ZDHHC14: variants seen among roughly 807,000 people sequenced by gnomAD.
ZDHHC14 encodes the protein zDHHC palmitoyltransferase 14.
Under a neutral mutation model 47.7 loss-of-function variants are expected in ZDHHC14, and 16 were observed. The observed-to-expected ratio is 0.34, with a 90% CI of 0.23 to 0.51. The LOEUF (loss-of-function observed/expected upper bound fraction) is 0.51, where lower values mean the gene tolerates loss of function less well. Among genes scored for constraint, ZDHHC14 ranks in the 20% least tolerant of loss-of-function variants. The probability of loss-of-function intolerance (pLI) is 0.97; values close to 1 mark genes in which losing one functional copy is unlikely to be tolerated. For synonymous variants in ZDHHC14, 293 were observed against 278.9 expected, an observed-to-expected ratio of 1.05 and a Z score of -0.50; for missense variants, 515 against 662.5, an observed-to-expected ratio of 0.78 and a Z score of 2.44.
At chr6:157,500,385 G>A (rs751685667) in intron 1 of ZDHHC14, among the ~76,000 whole-genome samples, 22 of 152,244 alleles carry the variant, frequency 1.4e-4, no homozygotes, top group Middle Eastern at 3.4e-3. Context: ...GGGACATTAG[G>A]TTTTGTTCTT....
At chr6:157,604,182 G>A (rs1357849348) in intron 3 of ZDHHC14, among the ~76,000 whole-genome samples, 2 of 151,908 alleles carry the variant, frequency 1.3e-5, no homozygotes, top group Non-Finnish European at 2.9e-5. Context: ...AACTACCCAG[G>A]AGGCTGAGGC....
chr6:157,434,784 A>G (rs1475424713), intron 1 of ZDHHC14, among the ~76,000 whole-genome samples: 1 of 152,142 alleles, frequency 6.6e-6, no homozygotes, highest in Non-Finnish European at 1.5e-5. Context: ...CCCTCCTGTC[A>G]GTTAGACTGT....
intron 8 of ZDHHC14, among the ~76,000 whole-genome samples, chr6:157,672,209 G>A (rs1419490531): frequency 6.6e-6 from 1 of 152,156 alleles, no homozygotes; most frequent in Non-Finnish European, 1.5e-5. Context: ...AACACTGTGT[G>A]TCTACACCGC....
At chr6:157,606,979 A>G (rs1230491070) in intron 3 of ZDHHC14, among the ~76,000 whole-genome samples, 1 of 152,238 alleles carries the variant, frequency 6.6e-6, no homozygotes, top group Non-Finnish European at 1.5e-5. Context: ...GCTCAGCATA[A>G]CATTTACACT....
chr6:157,676,694 G>A lies in ZDHHC14; in HGVS notation c.*3572G>A, dbSNP rs568232134. 1.3e-5 allele frequency: 2 copies of A among 152,376 alleles called. No individual in the cohort carries two copies. Among genetic ancestry groups the A allele is most frequent in the South Asian group, 4.1e-4 (2 of 4,826 alleles). 9.4% of individuals were successfully genotyped at this position (152,376 alleles called of 1,614,324 possible). On this transcript the variant is annotated 3_prime_UTR_variant, in exon 9 of 9. Coordinates refer to ENST00000359775, the MANE Select transcript of ZDHHC14 (RefSeq NM_024630.3). Reference sequence around the variant, plus strand: ...CCAGAAAATGCTGGAACCAGAACTGGTCAGAGACTTTGAAGGGCACAGCCT... The same window carrying A: ...CCAGAAAATGCTGGAACCAGAACTGATCAGAGACTTTGAAGGGCACAGCCT...
chr6:157,407,956 G>T (rs901785795), intron 1 of ZDHHC14, among the ~76,000 whole-genome samples: 3 of 152,208 alleles, frequency 2.0e-5, no homozygotes, highest in African/African-American at 7.2e-5. Context: ...TTTAAGTGCT[G>T]CCGTGTTGCT....
chr6:157,653,727 C>T (rs977271403), intron 8 of ZDHHC14, 100 bp downstream of exon 8: 24 of 1,224,168 alleles, frequency 2.0e-5, no homozygotes, highest in Non-Finnish European at 2.2e-5. Context: ...TCCCCAGGAG[C>T]GGGGGCAGCC....
In ZDHHC14 at chr6:157,645,955, G is replaced by A. The variant is rs1583067025; in HGVS notation, c.855+116G>A. ...CCCATACATCCCGTTCCAGATGTGA[G>A]CCCTTGGGAACAGAGACGGTGCCGT... On this transcript the variant is annotated intron_variant, in intron 6 of 8. Transcript: ENST00000359775. 5 of 845,914 alleles carry A rather than the reference G, an allele frequency of 5.9e-6. No individual in the cohort carries two copies. In the East Asian group the frequency reaches 1.1e-4, roughly 19 times the overall value. The allele number at this position is 845,914 out of a possible 1,614,324, so 52.4% of individuals were successfully genotyped here.
At chr6:157,623,336 C>A (rs531300444) in intron 3 of ZDHHC14, among the ~76,000 whole-genome samples, 10 of 152,080 alleles carry the variant, frequency 6.6e-5, no homozygotes, top group Non-Finnish European at 1.0e-4. Flanking sequence ...TTATAAGGGA[C>A]TTCCCCCTTC....
intron 1 of ZDHHC14, among the ~76,000 whole-genome samples, chr6:157,472,562 C>T (rs1297904964): frequency 6.6e-6 from 1 of 152,052 alleles, no homozygotes; most frequent in Non-Finnish European, 1.5e-5. Context: ...TCCTGTTCAG[C>T]CAGAATCCAC....
At chr6:157,387,955 A>G (rs1777351240) in intron 1 of ZDHHC14, among the ~76,000 whole-genome samples, 1 of 152,242 alleles carries the variant, frequency 6.6e-6, no homozygotes, top group South Asian at 2.1e-4. Flanking sequence ...CATTTGCCTC[A>G]GAAACTTTGA....
At chr6:157,593,640 T>G (rs1784005384) in intron 3 of ZDHHC14, among the ~76,000 whole-genome samples, 1 of 152,104 alleles carries the variant, frequency 6.6e-6, no homozygotes, top group Non-Finnish European at 1.5e-5. Context: ...GACGAAGGCC[T>G]CCCCTCTCTG....
At chr6:157,592,955 A>AG in intron 2 of ZDHHC14, 33 bp from the exon 3 acceptor site, 1 of 1,588,016 alleles carries the variant, frequency 6.3e-7, no homozygotes, top group Non-Finnish European at 8.6e-7. Flanking sequence ...GAGGCTCTGA[A>AG]GGTGTGCGCT....
At chr6:157,557,325 C>G (rs766183053) in intron 2 of ZDHHC14, among the ~76,000 whole-genome samples, 1 of 152,166 alleles carries the variant, frequency 6.6e-6, no homozygotes, top group Non-Finnish European at 1.5e-5. Context: ...GGACCTGTGC[C>G]AGGCTGGTGG....
At chr6:157,385,252 C>T (rs894053792) in intron 1 of ZDHHC14, among the ~76,000 whole-genome samples, 2 of 151,614 alleles carry the variant, frequency 1.3e-5, no homozygotes, top group Non-Finnish European at 2.9e-5. Context: ...CCACACCCAG[C>T]CAAGTTTTGT....
At position 157,481,876 on chromosome 6, in the gene ZDHHC14, C is replaced by T. The variant is rs113160301; in HGVS notation, c.246-60709C>T. Among the ~76,000 whole-genome samples, 6 of 152,300 alleles carry T rather than the reference C, an allele frequency of 3.9e-5. 1 individual carries two copies. The highest frequency in any genetic ancestry group is 3.9e-4 in the Admixed American group (6 of 15,296). ...TACATATTATCCATCTATCTTACTT[C>T]TCTTATTAGATTATAAGCAACTAGA... is the stretch of plus-strand genomic sequence containing the variant. On this transcript the variant is annotated intron_variant, in intron 1 of 8. Transcript: ENST00000359775.
chr6:157,511,068 C>T lies in ZDHHC14; in HGVS notation c.246-31517C>T, dbSNP rs150305406. Among the ~76,000 whole-genome samples the T allele has an allele frequency of 3.7e-3, 563 of 152,364 alleles. 2 individuals carry two copies. Among genetic ancestry groups the T allele is most frequent in the Middle Eastern group, 0.014 (4 of 294 alleles). On this transcript the variant is annotated intron_variant, in intron 1 of 8. Transcript: ENST00000359775. Reference sequence around the variant, plus strand: ...GCAGCCTCCGCCTCAGAGCCAGATCCTCTTCCTCTTCCTTAGTAGGCATCT... The same window carrying T: ...GCAGCCTCCGCCTCAGAGCCAGATCTTCTTCCTCTTCCTTAGTAGGCATCT...
At chr6:157,492,498 T>C (rs916514737) in intron 1 of ZDHHC14, among the ~76,000 whole-genome samples, 4 of 152,218 alleles carry the variant, frequency 2.6e-5, no homozygotes, top group African/African-American at 9.6e-5. Flanking sequence ...AGTTCCAGAA[T>C]TGGGGAATGA....
intron 1 of ZDHHC14, among the ~76,000 whole-genome samples, chr6:157,493,387 T>C (rs1462645319): frequency 6.6e-6 from 1 of 152,136 alleles, no homozygotes; most frequent in Non-Finnish European, 1.5e-5. Flanking sequence ...GGGAAAGAAG[T>C]CAGCCCTGTT....
Sources: allele counts gnomAD v4.1 joint callset (sites outside exome capture counted in the v4.1 genomes callset), GRCh38; gene constraint gnomAD v4.1.1; transcripts MANE v1.5; gene names NCBI Gene and HGNC (gene_info 2026-07-23, HGNC 2026-07-21).